The following GOLGA1 variants were observed in gnomAD, a reference collection of about 807,000 sequenced individuals.
GOLGA1 encodes golgin A1.
A neutral mutation model predicts 119.7 loss-of-function variants in GOLGA1; 63 were observed. That is an observed-to-expected ratio of 0.53 (90% confidence interval 0.43 to 0.65). The LOEUF is 0.65. Ranked by LOEUF, GOLGA1 falls within the 30% of genes least tolerant of loss-of-function variation. The probability of loss-of-function intolerance (pLI) is 0.00; values close to 1 mark genes in which losing one functional copy is unlikely to be tolerated. For missense variants in GOLGA1, 798 were observed against 912.8 expected, an observed-to-expected ratio of 0.87 and a Z score of 1.62; for synonymous variants, 318 against 333.4, an observed-to-expected ratio of 0.95 and a Z score of 0.50.
intron 19 of GOLGA1, among the ~76,000 whole-genome samples, chr9:124,884,407 G>A (rs1415194357): frequency 6.6e-6 from 1 of 152,182 alleles, no homozygotes; most frequent in Non-Finnish European, 1.5e-5. Flanking sequence ...TGCACAGCGT[G>A]GCTGGAATTG....
chr9:124,902,317 T>C (rs2131418044), intron 12 of GOLGA1, among the ~76,000 whole-genome samples: 1 of 151,578 alleles, frequency 6.6e-6, no homozygotes, highest in East Asian at 2.0e-4. Flanking sequence ...TTTCACTGTG[T>C]TAGCCAGGAT....
At chr9:124,898,518 T>C in intron 15 of GOLGA1, 31 bp downstream of exon 15, 1 of 1,265,234 alleles carries the variant, frequency 7.9e-7, no homozygotes. Flanking sequence ...ATGAACACTT[T>C]TATGAAACTT....
rs1829788745 is a variant in GOLGA1 at position 124,888,864 on chromosome 9, TA to T, written c.1761+278del. On this transcript the variant is annotated intron_variant, in intron 18 of 22. Transcript: ENST00000373555. The surrounding 1 kb of genome is among the most constrained non-coding windows in gnomAD (Gnocchi z 4.4). ...ACAGGCACTCGCCACCACGCCTAGC[TA>T]ATTTTTTGTATTTTTAGTAGAGACT... 6.6e-6 allele frequency among the ~76,000 whole-genome samples: 1 copy of T among 152,164 alleles called. No individual in the cohort carries two copies. Among genetic ancestry groups the T allele is most frequent in the Non-Finnish European group, 1.5e-5 (1 of 68,024 alleles).
Position 124,908,378 on chromosome 9 carries a change from C to T in GOLGA1, c.1064G>A (p.Arg355Gln), listed in dbSNP as rs368824154. ...AAACACCAGGAGTAAGGTCAGTACC[C>T]GAGTCTCCAGGGTGTTAATGGCCTT... ...QAKAINTLETRVRELEQTLQA... is the reference protein window; with the variant it reads ...QAKAINTLETQVRELEQTLQA... The change falls in exon 12 of 23, where the codon CGG becomes CAG. Residue 355 changes from arginine (R) to glutamine (Q), a missense_variant and splice_region_variant. Transcript: ENST00000373555. 21 of 1,557,806 alleles carry T rather than the reference C, an allele frequency of 1.3e-5. 1 individual carries two copies. Among genetic ancestry groups the T allele is most frequent in the South Asian group, 6.7e-5 (6 of 89,966 alleles).
At chr9:124,906,851 T>C (rs193160301) in intron 12 of GOLGA1, among the ~76,000 whole-genome samples, 1 of 152,080 alleles carries the variant, frequency 6.6e-6, no homozygotes, top group Admixed American at 6.6e-5. Flanking sequence ...TTGAGAAAAA[T>C]GTAAAATTTT....
chr9:124,926,811 C>A, intron 6 of GOLGA1, 70 bp from the exon 7 acceptor site: 1 of 750,096 alleles, frequency 1.3e-6, no homozygotes. Flanking sequence ...TTTCAGAAAA[C>A]AAAACAACCC....
chr9:124,900,171 G>C, intron 13 of GOLGA1: 1 of 276,042 alleles, frequency 3.6e-6, no homozygotes. Flanking sequence ...ACTCCTAGCG[G>C]AGCTGCCACC....
chr9:124,880,547 G>C lies in GOLGA1; in HGVS notation c.2287C>G (p.Arg763Gly). 1.2e-6 allele frequency: 2 copies of C among 1,603,198 alleles called. No homozygotes were observed. Among genetic ancestry groups the C allele is most frequent in the South Asian group, 1.1e-5 (1 of 90,814 alleles). ...GSIRPSISNPRIPWS is the reference protein window; with the variant it reads ...GSIRPSISNPGIPWS Reference sequence around the variant, plus strand: ...AGTCCCCTCTAGGACCATGGTATCCGAGGGTTTGAGATAGACGGCCGGATG... The same window carrying C: ...AGTCCCCTCTAGGACCATGGTATCCCAGGGTTTGAGATAGACGGCCGGATG... Residue 763 changes from arginine to glycine, a missense_variant, in exon 23 of 23, where the codon CGG (arginine) becomes GGG (glycine). Arg to Gly is a moderately radical substitution (Grantham distance 125). Coordinates refer to ENST00000373555, the MANE Select transcript of GOLGA1 (RefSeq NM_002077.4).
rs200355170 is a variant in GOLGA1, at chr9:124,881,743, C to T, written c.2136+41G>A. On this transcript the variant is annotated intron_variant, in intron 21 of 22. Coordinates refer to ENST00000373555, the MANE Select transcript of GOLGA1 (RefSeq NM_002077.4). The surrounding 1 kb of genome is among the most constrained non-coding windows in gnomAD (Gnocchi z 4.9). The stretch of plus-strand genomic sequence containing the variant: ...GGTCCCTGCAGGACAGACTGTAGGG[C>T]GGGGCCTCAATACCCAAAAGACACC... The T allele has an allele frequency of 4.9e-6, 7 of 1,414,784 alleles. No homozygotes were observed. Among genetic ancestry groups the T allele is most frequent in the African/African-American group, 2.8e-5 (2 of 70,446 alleles). 87.6% of individuals were successfully genotyped at this position (1,414,784 alleles called of 1,614,324 possible). A position where few individuals can be genotyped will look rare whatever the true frequency, so the allele number is the denominator to read the frequency against.
At chr9:124,917,524 A>C (rs1458796641) in intron 10 of GOLGA1, among the ~76,000 whole-genome samples, 1 of 152,026 alleles carries the variant, frequency 6.6e-6, no homozygotes, top group East Asian at 1.9e-4. Context: ...TAGTTCTTAC[A>C]TTTGTCTACC....
Position 124,947,866 on chromosome 9 carries a change from G to A in GOLGA1, c.-156+52C>T, listed in dbSNP as rs1831172562. On this transcript the variant is annotated intron_variant, in intron 1 of 4. Transcript: ENST00000421514. ...TCATATCAAATCTTTTACTCAGGGT[G>A]GGGAGGTGGTTTTGAATCACTGGCA... is the stretch of plus-strand genomic sequence containing the variant. 2 of 152,296 alleles carry A rather than the reference G, an allele frequency of 1.3e-5. 1 individual carries two copies. The highest frequency in any genetic ancestry group is 3.9e-4 in the East Asian group (2 of 5,182). The allele number at this position is 152,296 out of a possible 1,614,324, so 9.4% of individuals were successfully genotyped here.
At chr9:124,909,258 G>A (rs1197228790) in intron 11 of GOLGA1, among the ~76,000 whole-genome samples, 1 of 151,752 alleles carries the variant, frequency 6.6e-6, no homozygotes, top group African/African-American at 2.4e-5. Flanking sequence ...GTTGCAGTGA[G>A]CAGAGATTGT....
chr9:124,896,340 G>A (rs1379037431), intron 15 of GOLGA1, among the ~76,000 whole-genome samples: 1 of 152,202 alleles, frequency 6.6e-6, no homozygotes, highest in Admixed American at 6.5e-5. Flanking sequence ...TTGAACCCAG[G>A]AGGTTGAGGT....
At chr9:124,920,856 A>G (rs200062062) in intron 10 of GOLGA1, among the ~76,000 whole-genome samples, 2 of 60,608 alleles carry the variant, frequency 3.3e-5, no homozygotes, top group African/African-American at 4.5e-5. Context: ...AAAAAAAAAG[A>G]AAAAAAAAAA....
chr9:124,925,996 T>A (rs1830664621), intron 7 of GOLGA1, among the ~76,000 whole-genome samples: 1 of 152,170 alleles, frequency 6.6e-6, no homozygotes, highest in African/African-American at 2.4e-5. Flanking sequence ...TGTTCAATGC[T>A]GAGCCTTGAG....
At chr9:124,897,307 G>C (rs1376417151) in intron 15 of GOLGA1, among the ~76,000 whole-genome samples, 2 of 152,056 alleles carry the variant, frequency 1.3e-5, no homozygotes, top group African/African-American at 4.8e-5. Flanking sequence ...CCACAAGAAA[G>C]GAACTTTACC....
intron 15 of GOLGA1, among the ~76,000 whole-genome samples, chr9:124,891,629 G>T (rs754018532): frequency 1.4e-4 from 21 of 152,004 alleles, no homozygotes; most frequent in Non-Finnish European, 2.9e-5. Flanking sequence ...ACTATGAGAG[G>T]GTCCCATTCT....
At chr9:124,920,447 T>C (rs1830543679) in intron 10 of GOLGA1, among the ~76,000 whole-genome samples, 1 of 152,116 alleles carries the variant, frequency 6.6e-6, no homozygotes, top group Non-Finnish European at 1.5e-5. Flanking sequence ...ATCTTTATAT[T>C]CTCAGAGTGT....
At chr9:124,944,466 ATTTTTTTTT>A (rs71374207), upstream of GOLGA1, 16 of 84,724 alleles carry the variant, frequency 1.9e-4, no homozygotes, top group South Asian at 4.7e-4. Context: ...TGCCTGGCTA[ATTTTTTTTT>A]TTTTTTTTTT....
Sources: gnomAD v4.1 joint callset for allele counts (sites outside exome capture counted in the v4.1 genomes callset) on GRCh38, gnomAD v4.1.1 for gene constraint, Gnocchi (gnomAD v3.1) non-coding constraint, MANE v1.5 for transcripts, NCBI Gene and HGNC (gene_info 2026-07-23, HGNC 2026-07-21) for gene names.